STK39: variants seen among roughly 807,000 people sequenced by gnomAD.
STK39 encodes STE20/SPS1-related proline-alanine-rich protein kinase.
In STK39, 20 loss-of-function variants were observed where a neutral mutation model predicts 77.8. The ratio of observed to expected loss-of-function variants is 0.26; its 90% CI spans 0.18 to 0.37. STK39 has a LOEUF of 0.37. STK39 is among the 10% of genes least tolerant of loss of function. The pLI, the probability that STK39 is intolerant of heterozygous loss-of-function variation, is 1.00. For missense variants in STK39, 479 were observed against 656.5 expected (o/e 0.73, Z 2.95); for synonymous variants, 246 against 234.1 (o/e 1.05, Z -0.47).
At chr2:167,989,724 TATC>T (rs1474164649) in intron 16 of STK39, among the ~76,000 whole-genome samples, 1 of 152,176 alleles carries the variant, frequency 6.6e-6, no homozygotes, top group Admixed American at 6.5e-5. Context: ...AAAAATGAAA[TATC>T]ACTTAGTCCA....
Position 168,038,731 on chromosome 2 carries a change from C to T in STK39, c.1377-21636G>A, listed in dbSNP as rs113562850. Among the ~76,000 whole-genome samples, 426 of 152,106 alleles carry T rather than the reference C, an allele frequency of 2.8e-3. 1 individual carries two copies. Among genetic ancestry groups the T allele is most frequent in the African/African-American group, 9.8e-3 (406 of 41,522 alleles). On this transcript the variant is annotated intron_variant, in intron 14 of 17. Coordinates refer to ENST00000355999, the MANE Select transcript of STK39 (RefSeq NM_013233.3). The stretch of plus-strand genomic sequence containing the variant: ...GAATTTATGTAACTCAGAAATAAGA[C>T]AATCCAGTAAAATACTGAAACAAGA...
chr2:168,119,429 C>A (rs1183227947), intron 10 of STK39, among the ~76,000 whole-genome samples: 1 of 152,030 alleles, frequency 6.6e-6, no homozygotes, highest in Non-Finnish European at 1.5e-5. Context: ...GTTTCTGACA[C>A]GAATTATGTA....
intron 1 of STK39, among the ~76,000 whole-genome samples, chr2:168,227,124 T>C (rs1317816883): frequency 6.6e-6 from 1 of 152,218 alleles, no homozygotes; most frequent in Non-Finnish European, 1.5e-5. Flanking sequence ...AATTTACAGA[T>C]TGCAGAACAA....
chr2:167,983,419 A>T lies in STK39; in HGVS notation c.1499-18693T>A, dbSNP rs1683476356. 1.4e-5 allele frequency among the ~76,000 whole-genome samples: 2 copies of T among 144,170 alleles called. 1 individual carries two copies. The highest frequency in any genetic ancestry group is 4.5e-4 in the South Asian group (2 of 4,466). 94.6% of individuals were successfully genotyped at this position (144,170 alleles called of 152,430 possible). On this transcript the variant is annotated intron_variant, in intron 16 of 17. Coordinates refer to ENST00000355999, the MANE Select transcript of STK39 (RefSeq NM_013233.3). ...GCTTGAACCCAGATTGCGCCGTTGC[A>T]CTCCAGCCTGCGCAACAAGAGTGAA...
intron 1 of STK39, among the ~76,000 whole-genome samples, chr2:168,226,299 A>T (rs942920840): frequency 1.6e-5 from 2 of 126,218 alleles, no homozygotes; most frequent in African/African-American, 2.6e-5. Context: ...GAGACCCTCA[A>T]CTTTTCCAGG....
At chr2:168,061,372 G>C (rs1387974900) in intron 14 of STK39, among the ~76,000 whole-genome samples, 1 of 151,982 alleles carries the variant, frequency 6.6e-6, no homozygotes, top group African/African-American at 2.4e-5. Context: ...AGAGTTACGA[G>C]ATCAAATAGG....
intron 3 of STK39, among the ~76,000 whole-genome samples, chr2:168,165,509 C>T (rs1482335511): frequency 1.3e-5 from 2 of 152,126 alleles, no homozygotes; most frequent in Middle Eastern, 3.2e-3. Context: ...GCGCAAGTTC[C>T]TCTGCTGAAT....
intron 10 of STK39, among the ~76,000 whole-genome samples, chr2:168,107,424 A>G (rs945947714): frequency 6.6e-6 from 1 of 152,186 alleles, no homozygotes; most frequent in Non-Finnish European, 1.5e-5. Context: ...GAAAGAAGAA[A>G]ATACCTCTCC....
At chr2:168,161,909 G>A in intron 4 of STK39, 67 bp from the exon 5 acceptor site, 1 of 1,215,906 alleles carries the variant, frequency 8.2e-7, no homozygotes, top group Admixed American at 2.2e-5. Context: ...ATTCACTCAG[G>A]AAGATTTTAA....
chr2:168,207,863 C>T (rs970222421), intron 1 of STK39, among the ~76,000 whole-genome samples: 2 of 152,134 alleles, frequency 1.3e-5, no homozygotes, highest in Admixed American at 1.3e-4. Context: ...GAATGAGATC[C>T]CAACTGAGGT....
At chr2:168,161,675 T>C (rs1483992840) in intron 5 of STK39, 112 bp downstream of exon 5, 17 of 719,216 alleles carry the variant, frequency 2.4e-5, no homozygotes. Flanking sequence ...GTAAATATCA[T>C]TCTGAAAAGA....
In STK39 at chr2:168,183,858, C is replaced by T. The variant is rs548699820; in HGVS notation, c.209-1768G>A. Among the ~76,000 whole-genome samples the T allele has an allele frequency of 1.6e-4, 25 of 152,316 alleles. No homozygotes were observed. In the East Asian group the frequency reaches 4.4e-3, roughly 27 times the overall value. On this transcript the variant is annotated intron_variant, in intron 1 of 17. Transcript: ENST00000355999. ...GTCCAGATGGCAGAGCCAAACAATA[C>T]AAAAAGTCTGCTGATAGCAAAGTAT...
chr2:168,128,551 T>C (rs2176399), intron 10 of STK39, among the ~76,000 whole-genome samples: 23,616 of 152,256 alleles, frequency 0.16, 2,082 homozygotes, highest in East Asian at 0.21. Flanking sequence ...ATAATTCTTC[T>C]GGTCCAGGAG....
chr2:168,085,589 G>A (rs1184326155), intron 10 of STK39, among the ~76,000 whole-genome samples: 2 of 152,226 alleles, frequency 1.3e-5, no homozygotes, highest in Non-Finnish European at 2.9e-5. Flanking sequence ...TAAGCCTGGA[G>A]CTGCCACAGG....
At chr2:168,095,614 T>C (rs1686642031) in intron 10 of STK39, among the ~76,000 whole-genome samples, 1 of 132,156 alleles carries the variant, frequency 7.6e-6, no homozygotes, top group Non-Finnish European at 1.5e-5. Flanking sequence ...GCCACTCGTG[T>C]ATCTCTTTCT....
intron 10 of STK39, among the ~76,000 whole-genome samples, chr2:168,095,623 CTTTTTTTT>C (rs567675524): frequency 1.7e-5 from 2 of 116,072 alleles, no homozygotes; most frequent in Non-Finnish European, 3.3e-5. Context: ...GTATCTCTTT[CTTTTTTTT>C]TTTTTTTTTT....
intron 1 of STK39, among the ~76,000 whole-genome samples, chr2:168,213,064 G>C (rs1042654740): frequency 2.6e-5 from 4 of 152,202 alleles, no homozygotes; most frequent in Non-Finnish European, 5.9e-5. Context: ...ACAGATCCAT[G>C]AGTGCATGTT....
rs1173290985 is a variant in STK39 at position 168,074,974 on chromosome 2, C to T, written c.1242+8G>A. On this transcript the variant is annotated splice_region_variant and intron_variant, in intron 12 of 17. Coordinates refer to ENST00000355999, the MANE Select transcript of STK39 (RefSeq NM_013233.3). ...TGGCAAAATAATAAATAAATAGCCA[C>T]AGCTCACCTCTGGATTTTCTTCTTT... 2.5e-6 allele frequency: 4 copies of T among 1,612,956 alleles called. No homozygotes were observed. Among genetic ancestry groups the T allele is most frequent in the Admixed American group, 3.3e-5 (2 of 59,980 alleles).
At chr2:168,179,674 C>T (rs1251192072) in intron 2 of STK39, among the ~76,000 whole-genome samples, 1 of 152,146 alleles carries the variant, frequency 6.6e-6, no homozygotes, top group Admixed American at 6.5e-5. Flanking sequence ...TGGAGCAAAG[C>T]ACAAAGCCAC....
Sources: allele counts gnomAD v4.1 joint callset (sites outside exome capture counted in the v4.1 genomes callset), GRCh38; gene constraint gnomAD v4.1.1; transcripts MANE v1.5; gene names NCBI Gene and HGNC (gene_info 2026-07-23, HGNC 2026-07-21).